Variants in LRRC37A2 observed in about 807,000 individuals in gnomAD.
The protein encoded by LRRC37A2 is leucine-rich repeat-containing protein 37A2.
LRRC37A2 carries 9 observed loss-of-function variants against 68.8 expected under a neutral mutation model. The observed-to-expected ratio is 0.13, with a 90% CI of 0.08 to 0.23. The LOEUF is 0.23. Among genes scored for constraint, LRRC37A2 ranks in the 10% least tolerant of loss-of-function variants. The probability of loss-of-function intolerance (pLI) is 1.00; values close to 1 mark genes in which losing one functional copy is unlikely to be tolerated. For synonymous variants in LRRC37A2, 63 were observed against 367.6 expected, an observed-to-expected ratio of 0.17 and a Z score of 9.48; for missense variants, 168 against 950.4, an observed-to-expected ratio of 0.18 and a Z score of 10.82.
the LRRC37A2 span, among the ~76,000 whole-genome samples, chr17:46,934,140 G>T: frequency 7.3e-5 from 11 of 150,154 alleles, no homozygotes; most frequent in African/African-American, 2.8e-4. Flanking sequence ...CAGGCCCTGC[G>T]CTCAGTACCC....
At chr17:47,004,879 ACAAT>A in the LRRC37A2 span, among the ~76,000 whole-genome samples, 1 of 152,238 alleles carries the variant, frequency 6.6e-6, no homozygotes, top group African/African-American at 2.4e-5. Context: ...CTACTGTAAG[ACAAT>A]CAGTCATATT....
the LRRC37A2 span, among the ~76,000 whole-genome samples, chr17:47,044,610 T>TGAAAGTTA: frequency 6.6e-6 from 1 of 151,338 alleles, no homozygotes; most frequent in Middle Eastern, 3.2e-3. Context: ...CAACTACTGA[T>TGAAAGTTA]TCCAGATGAA....
chr17:46,392,427 TTC>T, the LRRC37A2 span, among the ~76,000 whole-genome samples: 3 of 51,626 alleles, frequency 5.8e-5, no homozygotes, highest in African/African-American at 2.1e-4. Flanking sequence ...CTCTCTTTCT[TTC>T]TCTCTTTCTT....
At chr17:46,392,788 T>A in the LRRC37A2 span, among the ~76,000 whole-genome samples, 1 of 8,036 alleles carries the variant, frequency 1.2e-4, no homozygotes, top group African/African-American at 4.8e-4. Flanking sequence ...TTTGCATTTC[T>A]CCTTTCTGCT....
At chr17:46,703,650 C>T in the LRRC37A2 span, among the ~76,000 whole-genome samples, 2 of 127,376 alleles carry the variant, frequency 1.6e-5, no homozygotes, top group East Asian at 4.5e-4. Context: ...CACTGCACTC[C>T]AGCCTGGGGG....
chr17:46,709,683 T>C, the LRRC37A2 span, among the ~76,000 whole-genome samples: 2 of 152,084 alleles, frequency 1.3e-5, no homozygotes, highest in East Asian at 3.9e-4. Context: ...TTAGTATAGA[T>C]GGGGTTTCAC....
the LRRC37A2 span, among the ~76,000 whole-genome samples, chr17:46,736,575 A>G: frequency 1.3e-5 from 2 of 152,140 alleles, no homozygotes. Context: ...CCTGTACTTT[A>G]TAGATTTTCT....
chr17:46,914,118 G>C, the LRRC37A2 span, among the ~76,000 whole-genome samples: 1 of 152,070 alleles, frequency 6.6e-6, no homozygotes, highest in Non-Finnish European at 1.5e-5. Context: ...GAAAGTGCAG[G>C]GGGTGGCTGA....
At chr17:46,746,735 G>A in the LRRC37A2 span, among the ~76,000 whole-genome samples, 1 of 152,176 alleles carries the variant, frequency 6.6e-6, no homozygotes, top group Non-Finnish European at 1.5e-5. Context: ...GCTCCATCAT[G>A]TATTGGTTAT....
At chr17:47,012,324 T>C in the LRRC37A2 span, among the ~76,000 whole-genome samples, 1 of 152,194 alleles carries the variant, frequency 6.6e-6, no homozygotes, top group Non-Finnish European at 1.5e-5. Flanking sequence ...GAAACCATTA[T>C]GCAATGATTT....
chr17:46,854,007 G>GA, the LRRC37A2 span, among the ~76,000 whole-genome samples: 12,650 of 152,182 alleles, frequency 0.083, 594 homozygotes, highest in Non-Finnish European at 0.1. Flanking sequence ...GGTTAGGGCT[G>GA]AGAGGGATGA....
chr17:46,818,763 C>T, the LRRC37A2 span: 10 of 724,922 alleles, frequency 1.4e-5, no homozygotes, highest in Non-Finnish European at 1.9e-5. Context: ...GCGGAGCAGC[C>T]GGGTTTGAGG....
At chr17:46,875,252 C>T in the LRRC37A2 span, 19 of 1,614,200 alleles carry the variant, frequency 1.2e-5, no homozygotes, top group Middle Eastern at 1.6e-4. Flanking sequence ...GGGGCGTGTG[C>T]GGTGACAACC....
the LRRC37A2 span, among the ~76,000 whole-genome samples, chr17:46,730,916 A>G: frequency 6.6e-6 from 1 of 152,180 alleles, no homozygotes; most frequent in African/African-American, 2.4e-5. Flanking sequence ...GGTAATGACA[A>G]GCGCTGGTGC....
the LRRC37A2 span, among the ~76,000 whole-genome samples, chr17:46,798,603 C>G: frequency 6.6e-6 from 1 of 152,170 alleles, no homozygotes; most frequent in Non-Finnish European, 1.5e-5. Context: ...ACAGTGACTG[C>G]CAGCCCTGGA....
At chr17:47,011,285 T>A in the LRRC37A2 span, among the ~76,000 whole-genome samples, 1 of 152,110 alleles carries the variant, frequency 6.6e-6, no homozygotes, top group South Asian at 2.1e-4. Context: ...TGTAGTGGCT[T>A]ACACCTGTAA....
chr17:46,762,295 GAAGTT>G, the LRRC37A2 span, among the ~76,000 whole-genome samples: 1 of 152,302 alleles, frequency 6.6e-6, no homozygotes, highest in East Asian at 1.9e-4. Flanking sequence ...TTCATTGTTA[GAAGTT>G]AACTTAGAAC....
chr17:46,931,747 T>A, the LRRC37A2 span: 1 of 417,032 alleles, frequency 2.4e-6, no homozygotes, highest in Non-Finnish European at 4.4e-6. Context: ...AGGAGAGCCA[T>A]ATAATCCATA....
the LRRC37A2 span, among the ~76,000 whole-genome samples, chr17:47,015,240 TCAAG>T: frequency 6.6e-6 from 1 of 152,146 alleles, no homozygotes; most frequent in Admixed American, 6.6e-5. Context: ...ACTCCTGAGC[TCAAG>T]TGATCCACCC....
Sources: gnomAD v4.1 joint callset for allele counts (sites outside exome capture counted in the v4.1 genomes callset) on GRCh38, gnomAD v4.1.1 for gene constraint, MANE v1.5 for transcripts, NCBI Gene and HGNC (gene_info 2026-07-23, HGNC 2026-07-21) for gene names.